Variants in SRBD1 observed in about 807,000 individuals in gnomAD.
SRBD1 encodes S1 RNA binding domain 1.
SRBD1 carries 88 observed loss-of-function variants against 115.3 expected under a neutral mutation model. That is an observed-to-expected ratio of 0.76 (90% confidence interval 0.64 to 0.91). The LOEUF (loss-of-function observed/expected upper bound fraction) is 0.91, where lower values mean the gene tolerates loss of function less well. Among genes scored for constraint, SRBD1 ranks in the 40% least tolerant of loss-of-function variants. The pLI, the probability that SRBD1 is intolerant of heterozygous loss-of-function variation, is 0.00. For missense variants in SRBD1, 1,385 were observed against 1,177.4 expected, an observed-to-expected ratio of 1.18 and a Z score of -2.58; for synonymous variants, 509 against 407.7, an observed-to-expected ratio of 1.25 and a Z score of -2.99.
chr2:45,560,331 G>A (rs1572777217), intron 10 of SRBD1, among the ~76,000 whole-genome samples: 1 of 152,088 alleles, frequency 6.6e-6, no homozygotes, highest in South Asian at 2.1e-4. Context: ...AACTACTGAG[G>A]ACTGACTCTG....
chr2:45,389,820 C>T (rs149059733), intron 20 of SRBD1, among the ~76,000 whole-genome samples: 92 of 152,256 alleles, frequency 6.0e-4, no homozygotes, highest in African/African-American at 2.1e-3. Flanking sequence ...AAATTTACTT[C>T]CTTCTACAAT....
chr2:45,414,815 T>TATAGTGTGTATATAGTATGTACACACAC (rs1667750599), intron 18 of SRBD1, among the ~76,000 whole-genome samples: 1 of 28,990 alleles, frequency 3.4e-5, no homozygotes, highest in African/African-American at 1.5e-4. Context: ...TACACACACA[T>TATAGTGTGTATATAGTATGTACACACAC]ATAGTGTGTA....
chr2:45,572,356 G>A (rs1051612228), intron 9 of SRBD1, among the ~76,000 whole-genome samples: 2 of 152,090 alleles, frequency 1.3e-5, no homozygotes, highest in Non-Finnish European at 2.9e-5. Flanking sequence ...AAAATTGCTG[G>A]AGATTGGTGG....
At position 45,392,992 on chromosome 2, in the gene SRBD1, A is replaced by T. The variant is rs1349665240; in HGVS notation, c.2651T>A (p.Val884Asp). ...RLQTTVHTLQVIIDGLSQPES... is the reference protein window; with the variant it reads ...RLQTTVHTLQDIIDGLSQPES... ...AGGCTGGCTGAGACCATCTATGATG[A>T]CCTGTAAGGTGTGTACTGTTGTTTG... is the stretch of plus-strand genomic sequence containing the variant. Residue 884 changes from valine to aspartate, a missense_variant, in exon 20 of 21, where the codon GTC becomes GAC. Transcript: ENST00000263736. The T allele has an allele frequency of 6.2e-7, 1 of 1,612,996 alleles. No homozygotes were observed. Among genetic ancestry groups the T allele is most frequent in the Non-Finnish European group, 8.5e-7 (1 of 1,179,462 alleles).
chr2:45,437,145 G>T (rs1668522576), intron 16 of SRBD1, among the ~76,000 whole-genome samples: 1 of 151,990 alleles, frequency 6.6e-6, no homozygotes, highest in Admixed American at 6.6e-5. Context: ...ATGTATGTGG[G>T]TAGGATGACT....
chr2:45,414,116 C>T (rs1299361593), intron 18 of SRBD1, among the ~76,000 whole-genome samples: 1 of 152,088 alleles, frequency 6.6e-6, no homozygotes, highest in East Asian at 1.9e-4. Context: ...GATGTCAGAA[C>T]ATAGTGGAAC....
At chr2:45,462,066 T>G (rs759290438) in intron 16 of SRBD1, among the ~76,000 whole-genome samples, 26 of 152,286 alleles carry the variant, frequency 1.7e-4, no homozygotes, top group Middle Eastern at 3.4e-3. Context: ...AAAAAAGGAA[T>G]CATTTTGTAG....
In SRBD1 at chr2:45,398,434, G is replaced by C. The variant is rs559893167; in HGVS notation, c.2514-5305C>G. Among the ~76,000 whole-genome samples, 3 of 152,158 alleles carry C rather than the reference G, an allele frequency of 2.0e-5. No individual in the cohort carries two copies. In the East Asian group the frequency reaches 5.8e-4, roughly 29 times the overall value. On this transcript the variant is annotated intron_variant, in intron 19 of 20. Transcript: ENST00000263736. ...GAAGGAATGCAGTTTGTCTTCCAAA[G>C]GACTTGGTATTATAAGCATCAGACT...
chr2:45,401,240 GT>G (rs1175864978), intron 19 of SRBD1, among the ~76,000 whole-genome samples: 1 of 152,170 alleles, frequency 6.6e-6, no homozygotes, highest in Non-Finnish European at 1.5e-5. Context: ...AAGCCCAGGA[GT>G]TTGAGTACAG....
intron 14 of SRBD1, among the ~76,000 whole-genome samples, chr2:45,503,085 A>T (rs1572709532): frequency 6.6e-6 from 1 of 152,188 alleles, no homozygotes; most frequent in East Asian, 1.9e-4. Flanking sequence ...AAGCCCTTGA[A>T]CTATGTGAAA....
rs187479759 is a variant in SRBD1, at chr2:45,558,323, T to A, written c.1409+4330A>T. ...CTAAAAAGAAGTTTTCTTAATTTTT[T>A]AAAAAAAATTTCCTTAGATACGTTT... On this transcript the variant is annotated intron_variant, in intron 10 of 20. Coordinates refer to ENST00000263736, the MANE Select transcript of SRBD1 (RefSeq NM_018079.5). Among the ~76,000 whole-genome samples the A allele has an allele frequency of 3.7e-3, 564 of 152,148 alleles. 10 individuals carry two copies. Among genetic ancestry groups the A allele is most frequent in the African/African-American group, 0.013 (531 of 41,514 alleles).
chr2:45,596,410 G>A (rs368830439), intron 4 of SRBD1, among the ~76,000 whole-genome samples: 6 of 152,154 alleles, frequency 3.9e-5, no homozygotes, highest in Non-Finnish European at 7.4e-5. Context: ...CTAGGTTAAC[G>A]GATTGCAGAA....
intron 16 of SRBD1, among the ~76,000 whole-genome samples, chr2:45,430,128 A>G (rs1668286461): frequency 6.6e-6 from 1 of 152,196 alleles, no homozygotes. Context: ...CTGCGCAAGG[A>G]AAAAAGACAG....
At chr2:45,551,303 A>G (rs1297761706) in intron 11 of SRBD1, 21 bp from the exon 12 acceptor site, 2 of 1,571,178 alleles carry the variant, frequency 1.3e-6, no homozygotes, top group Non-Finnish European at 1.7e-6. Context: ...AGAAGAAAAG[A>G]AAAAGTTTTT....
rs547506911 is a variant in SRBD1, at chr2:45,510,752, C to G, written c.1875-22421G>C. Among the ~76,000 whole-genome samples, 8 of 152,292 alleles carry G rather than the reference C, an allele frequency of 5.3e-5. No individual in the cohort carries two copies. In the South Asian group the frequency reaches 1.4e-3, roughly 28 times the overall value. Reference sequence around the variant, plus strand: ...TCTAGCTCAATCCAAAGAGTAGCTACCAATTAGTAAAGTCGGGCCTTTTAA... The same window carrying G: ...TCTAGCTCAATCCAAAGAGTAGCTAGCAATTAGTAAAGTCGGGCCTTTTAA... On this transcript the variant is annotated intron_variant, in intron 14 of 20. Transcript: ENST00000263736.
chr2:45,554,832 C>T (rs998823205), intron 10 of SRBD1, among the ~76,000 whole-genome samples: 10 of 152,172 alleles, frequency 6.6e-5, no homozygotes, highest in Admixed American at 2.0e-4. Context: ...CACACAGACC[C>T]TGTTACTAGA....
intron 3 of SRBD1, among the ~76,000 whole-genome samples, chr2:45,601,561 T>C (rs954407014): frequency 6.6e-6 from 1 of 152,214 alleles, no homozygotes; most frequent in East Asian, 1.9e-4. Flanking sequence ...TTCTCATCTA[T>C]AAAATCAGCA....
chr2:45,577,672 T>C (rs983202456), intron 7 of SRBD1, among the ~76,000 whole-genome samples: 1 of 151,876 alleles, frequency 6.6e-6, no homozygotes, highest in African/African-American at 2.4e-5. Flanking sequence ...AAAAAAAAAC[T>C]GAACTATCTG....
intron 14 of SRBD1, among the ~76,000 whole-genome samples, chr2:45,490,392 C>A (rs568269424): frequency 5.7e-4 from 87 of 152,044 alleles, no homozygotes; most frequent in African/African-American, 2.1e-3. Flanking sequence ...AATTCGTGAC[C>A]CCCAAAAAGG....
Sources: gnomAD v4.1 joint callset for allele counts (sites outside exome capture counted in the v4.1 genomes callset) on GRCh38, gnomAD v4.1.1 for gene constraint, MANE v1.5 for transcripts, NCBI Gene and HGNC (gene_info 2026-07-23, HGNC 2026-07-21) for gene names.